The following SLC11A2 variants were observed in gnomAD, a reference collection of about 807,000 sequenced individuals.
SLC11A2 encodes the protein natural resistance-associated macrophage protein 2.
Under a neutral mutation model 68.0 loss-of-function variants are expected in SLC11A2, and 38 were observed. That is an observed-to-expected ratio of 0.56 (90% CI 0.43 to 0.73). The LOEUF (loss-of-function observed/expected upper bound fraction) is 0.73. Ranked by LOEUF, SLC11A2 falls within the 30% of genes least tolerant of loss-of-function variation. The probability of loss-of-function intolerance (pLI) is 0.00; values close to 1 mark genes in which losing one functional copy is unlikely to be tolerated. For missense variants in SLC11A2, 517 were observed against 690.5 expected (o/e 0.75, Z 2.82); for synonymous variants, 242 against 250.6 (o/e 0.97, Z 0.32).
the SLC11A2 span, among the ~76,000 whole-genome samples, chr12:50,959,850 G>A: frequency 6.6e-6 from 1 of 151,424 alleles, no homozygotes; most frequent in African/African-American, 2.4e-5. Flanking sequence ...GGATTTCACC[G>A]TGTTGGCCAG....
chr12:50,975,454 C>G (rs758334298), downstream of SLC11A2, among the ~76,000 whole-genome samples: 5 of 152,118 alleles, frequency 3.3e-5, no homozygotes, highest in Non-Finnish European at 7.4e-5. Context: ...AGAATAAAGG[C>G]ACAATATACC....
the SLC11A2 span, among the ~76,000 whole-genome samples, chr12:50,953,115 G>T: frequency 2.6e-5 from 4 of 152,240 alleles, no homozygotes; most frequent in South Asian, 8.3e-4. Context: ...CAGTCCCCTG[G>T]GGCGTGTTTC....
chr12:51,011,549 G>GT (rs1235715098), intron 1 of SLC11A2, among the ~76,000 whole-genome samples: 159 of 82,256 alleles, frequency 1.9e-3, no homozygotes, highest in African/African-American at 5.4e-3. Flanking sequence ...TATTTTATGA[G>GT]TTGTTTTTTT....
At position 50,996,982 on chromosome 12, in the gene SLC11A2, A is replaced by T; in HGVS notation, c.676-10T>A. 6.2e-7 allele frequency: 1 copy of T among 1,613,068 alleles called. No individual in the cohort carries two copies. The highest frequency in any genetic ancestry group is 8.5e-7 in the Non-Finnish European group (1 of 1,179,032). The stretch of plus-strand genomic sequence containing the variant: ...GTTTCACTGTAACATACTACATACC[A>T]ACATAACAATGATTAGCCTTTACAG... On this transcript the variant is annotated splice_polypyrimidine_tract_variant and intron_variant, in intron 8 of 15. Transcript: ENST00000262052.
At chr12:50,974,541 A>G (rs1939824171), downstream of SLC11A2, among the ~76,000 whole-genome samples, 1 of 152,228 alleles carries the variant, frequency 6.6e-6, no homozygotes, top group Admixed American at 6.5e-5. Flanking sequence ...AAACATGCCA[A>G]ATTGTAAAGA....
chr12:50,979,104 A>G (rs963686955), downstream of SLC11A2, among the ~76,000 whole-genome samples: 3 of 152,208 alleles, frequency 2.0e-5, no homozygotes, highest in African/African-American at 7.2e-5. Context: ...GATTGAATAT[A>G]TTAATATATG....
At chr12:50,968,301 T>C in the SLC11A2 span, among the ~76,000 whole-genome samples, 1 of 152,304 alleles carries the variant, frequency 6.6e-6, no homozygotes, top group East Asian at 1.9e-4. Context: ...AAGGATGAAC[T>C]AGAACCCAAG....
chr12:50,952,717 T>A, the SLC11A2 span, among the ~76,000 whole-genome samples: 1 of 152,216 alleles, frequency 6.6e-6, no homozygotes, highest in Non-Finnish European at 1.5e-5. Context: ...TACCGCCAGG[T>A]GAGCCCGGCG....
chr12:50,954,659 C>A, the SLC11A2 span, among the ~76,000 whole-genome samples: 1 of 150,970 alleles, frequency 6.6e-6, no homozygotes, highest in South Asian at 2.1e-4. Context: ...TCAGGAGGTG[C>A]AGGTTGCGGT....
At chr12:51,028,255 C>T (rs1337117531), upstream of SLC11A2, 5 of 1,521,226 alleles carry the variant, frequency 3.3e-6, no homozygotes, top group Admixed American at 9.8e-5. Flanking sequence ...TTTCCCAATG[C>T]CAGCTCCTGC....
At chr12:50,983,066 C>T (rs1347068965), downstream of SLC11A2, among the ~76,000 whole-genome samples, 1 of 151,622 alleles carries the variant, frequency 6.6e-6, no homozygotes. Flanking sequence ...ATGTCACTCA[C>T]GCTGGAGTGC....
At position 50,986,857 on chromosome 12, in the gene SLC11A2, G is replaced by A. The variant is rs1280115135; in HGVS notation, c.*1468C>T. 1 of 1,287,064 alleles carries A rather than the reference G, an allele frequency of 7.8e-7. No individual in the cohort carries two copies. The highest frequency in any genetic ancestry group is 5.5e-5 in the East Asian group (1 of 18,038). The allele number at this position is 1,287,064 out of a possible 1,614,324, so 79.7% of individuals were successfully genotyped here. On this transcript the variant is annotated 3_prime_UTR_variant, in exon 16 of 16. Coordinates refer to ENST00000262052, the MANE Select transcript of SLC11A2 (RefSeq NM_000617.3). ...ATCCAGTCTGCGCTTTTGACTGTGT[G>A]CAAGTATCAGTAATAATGCTTTTGG... is the stretch of plus-strand genomic sequence containing the variant.
At chr12:50,984,467 G>A (rs1281420315), downstream of SLC11A2, among the ~76,000 whole-genome samples, 3 of 152,162 alleles carry the variant, frequency 2.0e-5, no homozygotes, top group African/African-American at 4.8e-5. Flanking sequence ...TCTTCAATAC[G>A]TAGTAAGCAA....
chr12:51,027,923 G>A (rs1944454713), upstream of SLC11A2, among the ~76,000 whole-genome samples: 1 of 151,448 alleles, frequency 6.6e-6, no homozygotes, highest in Admixed American at 6.6e-5. Context: ...AAAGTGGGGG[G>A]GGGGGGCTTG....
At chr12:50,965,416 C>A in the SLC11A2 span, among the ~76,000 whole-genome samples, 1 of 151,994 alleles carries the variant, frequency 6.6e-6, no homozygotes, top group South Asian at 2.1e-4. Context: ...AGCCACCGTG[C>A]CCAGCCACTG....
At chr12:50,970,533 CA>C in the SLC11A2 span, 1 of 1,383,320 alleles carries the variant, frequency 7.2e-7, no homozygotes, top group East Asian at 2.5e-5. Flanking sequence ...GCAAGAAAGA[CA>C]AGAAGCTTCT....
At chr12:50,957,774 A>T in the SLC11A2 span, among the ~76,000 whole-genome samples, 1 of 151,910 alleles carries the variant, frequency 6.6e-6, no homozygotes, top group Non-Finnish European at 1.5e-5. Flanking sequence ...AATCCCAGCT[A>T]CTCAAGAGGC....
At chr12:51,001,978 A>G (rs772322550) in intron 5 of SLC11A2, among the ~76,000 whole-genome samples, 7 of 152,202 alleles carry the variant, frequency 4.6e-5, no homozygotes, top group Non-Finnish European at 1.0e-4. Context: ...TGGCCAAACA[A>G]TACAGCTGAA....
At chr12:50,981,549 C>A, downstream of SLC11A2, 1 of 575,446 alleles carries the variant, frequency 1.7e-6, no homozygotes, top group Middle Eastern at 4.4e-4. Flanking sequence ...GTGGGTGGGT[C>A]TCTGACCTAC....
Sources: allele counts gnomAD v4.1 joint callset (sites outside exome capture counted in the v4.1 genomes callset), GRCh38; gene constraint gnomAD v4.1.1; transcripts MANE v1.5; gene names NCBI Gene and HGNC (gene_info 2026-07-23, HGNC 2026-07-21).